The following MYO5A variants were observed in gnomAD, a reference collection of about 807,000 sequenced individuals.
MYO5A encodes unconventional myosin-Va.
A neutral mutation model predicts 249.7 loss-of-function variants in MYO5A; 98 were observed. The ratio of observed to expected loss-of-function variants is 0.39; its 90% CI spans 0.33 to 0.46. The LOEUF is 0.46. Among genes scored for constraint, MYO5A ranks in the 20% least tolerant of loss-of-function variants. The probability of loss-of-function intolerance (pLI) is 0.98; values close to 1 mark genes in which losing one functional copy is unlikely to be tolerated. For missense variants in MYO5A, 1,696 were observed against 2,308.8 expected (o/e 0.73, Z 5.44); for synonymous variants, 778 against 810.6 (o/e 0.96, Z 0.68).
chr15:52,314,292 G>A (rs999363506), intron 40 of MYO5A, 89 bp from the exon 41 acceptor site: 30 of 980,706 alleles, frequency 3.1e-5, no homozygotes, highest in South Asian at 1.6e-4. Flanking sequence ...GGATCTGTGC[G>A]TACAGATTTC....
chr15:52,502,060 G>A (rs923557114), intron 1 of MYO5A, among the ~76,000 whole-genome samples: 6 of 152,024 alleles, frequency 3.9e-5, no homozygotes, highest in Non-Finnish European at 7.4e-5. Context: ...GGCCAAAGCG[G>A]GCAGATCACC....
rs1724640 is a variant in MYO5A at position 52,425,561 on chromosome 15, T to G, written c.455+269A>C. ...TTTTAGTAGAGGCGGGGTTTCGCCATGTTGGCCAGGCTAGTCTCGAACTCC... is the reference window on the plus strand; with the variant it reads ...TTTTAGTAGAGGCGGGGTTTCGCCAGGTTGGCCAGGCTAGTCTCGAACTCC... On this transcript the variant is annotated intron_variant, in intron 4 of 41. Coordinates refer to ENST00000399233, the MANE Select transcript of MYO5A (RefSeq NM_001382347.1). Among the ~76,000 whole-genome samples the G allele has an allele frequency of 0.051, 7,749 of 152,258 alleles. 268 individuals carry two copies. Among genetic ancestry groups the G allele is most frequent in the South Asian group, 0.14 (674 of 4,824 alleles).
intron 21 of MYO5A, 146 bp from the exon 22 acceptor site, chr15:52,370,563 T>A (rs2041052883): frequency 1.3e-6 from 1 of 797,346 alleles, no homozygotes. Flanking sequence ...ACATTTGCAA[T>A]AGCACAACCA....
intron 1 of MYO5A, among the ~76,000 whole-genome samples, chr15:52,438,994 C>G (rs542793330): frequency 8.2e-4 from 125 of 152,362 alleles, no homozygotes; most frequent in Non-Finnish European, 1.2e-3. Flanking sequence ...GGCTTGCCAT[C>G]GTTCCTGCAT....
intron 5 of MYO5A, among the ~76,000 whole-genome samples, chr15:52,415,504 CCT>C (rs1405396730): frequency 2.6e-5 from 4 of 152,104 alleles, no homozygotes; most frequent in African/African-American, 7.2e-5. Flanking sequence ...TAGTTCTTCC[CCT>C]GTCAAAACCT....
At position 52,478,735 on chromosome 15, in the gene MYO5A, G is replaced by C. The variant is rs985921617; in HGVS notation, c.28-45450C>G. 3.9e-5 allele frequency among the ~76,000 whole-genome samples: 6 copies of C among 152,136 alleles called. No individual in the cohort carries two copies. The East Asian group carries it at 1.2e-3, about 29-fold the overall frequency. On this transcript the variant is annotated intron_variant, in intron 1 of 41. Coordinates refer to ENST00000399233, the MANE Select transcript of MYO5A (RefSeq NM_001382347.1). The stretch of plus-strand genomic sequence containing the variant: ...CGTGAGAAGCGTGAGATCACTTTTT[G>C]CTGTGATATGCAATGTACTGGAGAG...
At chr15:52,513,939 T>A (rs1399560558) in intron 1 of MYO5A, among the ~76,000 whole-genome samples, 2 of 152,004 alleles carry the variant, frequency 1.3e-5, no homozygotes, top group Non-Finnish European at 2.9e-5. Flanking sequence ...GCCAAGAGAC[T>A]AAGGAAAGTC....
At chr15:52,460,431 C>A (rs1019535117) in intron 1 of MYO5A, among the ~76,000 whole-genome samples, 1 of 152,190 alleles carries the variant, frequency 6.6e-6, no homozygotes, top group Non-Finnish European at 1.5e-5. Flanking sequence ...GACCACTCGC[C>A]GTCAGGAGCT....
In MYO5A at chr15:52,443,852, G is replaced by A. The variant is rs901481153; in HGVS notation, c.28-10567C>T. ...AAAAATTAACTGGGAGTGGTGACAC[G>A]CACCTGCACAGTCCCAGCTACTTGG... On this transcript the variant is annotated intron_variant, in intron 1 of 41. Transcript: ENST00000399233. Among the ~76,000 whole-genome samples the A allele has an allele frequency of 5.3e-5, 8 of 151,780 alleles. No homozygotes were observed. The East Asian group carries it at 5.8e-4, about 11-fold the overall frequency.
intron 35 of MYO5A, chr15:52,329,222 AGTGGCTCCTTAACATTTTTGCTAAAT>A (rs1458369850): frequency 1.3e-5 from 2 of 152,220 alleles, no homozygotes; most frequent in African/African-American, 4.8e-5. Flanking sequence ...CTTAAAAACC[AGTGGCTCCTTAACATTTTTGCTAAAT>A]GAAATTCATG....
chr15:52,353,616 C>G lies in MYO5A; in HGVS notation c.3610G>C (p.Glu1204Gln), dbSNP rs747099022. The G allele has an allele frequency of 1.9e-6, 3 of 1,613,940 alleles. No individual in the cohort carries two copies. The highest frequency in any genetic ancestry group is 2.7e-5 in the African/African-American group (2 of 74,938). ...AAACTCCCCATTACCTTGAGTGACT[C>G]ATATTCCAGTTCTGCACCTCTAATT... ...PQIRGAELEY[E>Q]SLKRQELESE... is the part of the protein sequence containing the mutation. Residue 1204 changes from glutamate to glutamine, a missense_variant, in exon 27 of 42, where the codon GAG becomes CAG. Physicochemically the swap from Glu to Gln is conservative, Grantham distance 29 (BLOSUM62 2). This residue lies in a region of MYO5A where 625 missense variants were observed against 908.1 expected (regional missense o/e 0.69). Coordinates refer to ENST00000399233, the MANE Select transcript of MYO5A (RefSeq NM_001382347.1).
intron 12 of MYO5A, among the ~76,000 whole-genome samples, chr15:52,391,010 A>G (rs916573207): frequency 6.6e-6 from 1 of 152,104 alleles, no homozygotes; most frequent in Non-Finnish European, 1.5e-5. Flanking sequence ...GACAACTGCC[A>G]CAGTTTTCTT....
At chr15:52,444,206 A>AT (rs1177781724) in intron 1 of MYO5A, among the ~76,000 whole-genome samples, 1 of 152,234 alleles carries the variant, frequency 6.6e-6, no homozygotes, top group Non-Finnish European at 1.5e-5. Context: ...TCGTGTAAAG[A>AT]TTATTTTCAG....
At chr15:52,405,051 T>TCACACACACACACACA (rs58764245) in intron 9 of MYO5A, among the ~76,000 whole-genome samples, 1 of 140,190 alleles carries the variant, frequency 7.1e-6, no homozygotes, top group African/African-American at 2.6e-5. Flanking sequence ...TCTCTCTCTG[T>TCACACACACACACACA]CACACACACA....
At chr15:52,465,745 G>A (rs771956184) in intron 1 of MYO5A, among the ~76,000 whole-genome samples, 17 of 151,728 alleles carry the variant, frequency 1.1e-4, no homozygotes, top group East Asian at 1.9e-4. Context: ...GATTTTTTTC[G>A]CCCAAGATGG....
rs548678862 is a variant in MYO5A, at chr15:52,479,056, C to A, written c.28-45771G>T. Among the ~76,000 whole-genome samples, 37 of 151,914 alleles carry A rather than the reference C, an allele frequency of 2.4e-4. No homozygotes were observed. In the South Asian group the frequency reaches 7.5e-3, roughly 31 times the overall value. On this transcript the variant is annotated intron_variant, in intron 1 of 41. Coordinates refer to ENST00000399233, the MANE Select transcript of MYO5A (RefSeq NM_001382347.1). ...TGTCACCCAGGCTGGAGTGCAGTGG[C>A]GTGATCTCAGCTCACTGTAACCTCT...
intron 20 of MYO5A, among the ~76,000 whole-genome samples, chr15:52,373,487 G>T (rs1436029808): frequency 1.3e-5 from 2 of 152,100 alleles, no homozygotes; most frequent in Non-Finnish European, 2.9e-5. Flanking sequence ...ATGAGTGAGA[G>T]AAATTAATCA....
At chr15:52,325,724 A>G (rs1169629664) in intron 36 of MYO5A, among the ~76,000 whole-genome samples, 2 of 152,060 alleles carry the variant, frequency 1.3e-5, no homozygotes, top group African/African-American at 4.8e-5. Flanking sequence ...AAATAACTCA[A>G]CAAATACAAT....
chr15:52,402,276 A>G (rs1033944384), intron 9 of MYO5A, among the ~76,000 whole-genome samples: 70 of 152,184 alleles, frequency 4.6e-4, no homozygotes, highest in African/African-American at 1.7e-3. Flanking sequence ...TTAGGGAGCT[A>G]GTTTTCTGCC....
Sources: allele counts gnomAD v4.1 joint callset (sites outside exome capture counted in the v4.1 genomes callset), GRCh38; gene constraint gnomAD v4.1.1; regional missense constraint gnomAD v4.1.1; transcripts MANE v1.5; gene names NCBI Gene and HGNC (gene_info 2026-07-23, HGNC 2026-07-21).